Variants in NCKAP5 observed in about 807,000 individuals in gnomAD.
The protein encoded by NCKAP5 is nck-associated protein 5.
A neutral mutation model predicts 167.0 loss-of-function variants in NCKAP5; 92 were observed. That is an observed-to-expected ratio of 0.55 (90% CI 0.47 to 0.66). The LOEUF (loss-of-function observed/expected upper bound fraction) is 0.66, where lower values mean the gene tolerates loss of function less well. Among genes scored for constraint, NCKAP5 ranks in the 30% least tolerant of loss-of-function variants. The pLI is 0.00. For synonymous variants in NCKAP5, 891 were observed against 877.4 expected (o/e 1.02, Z -0.27); for missense variants, 2,378 against 2,315.0 (o/e 1.03, Z -0.56).
At chr2:133,306,087 C>T (rs546173650) in intron 3 of NCKAP5, among the ~76,000 whole-genome samples, 1 of 152,158 alleles carries the variant, frequency 6.6e-6, no homozygotes, top group Non-Finnish European at 1.5e-5. Context: ...TAGGATTACT[C>T]CTAGGGGGAA....
chr2:133,594,506 C>T, the NCKAP5 span, among the ~76,000 whole-genome samples: 5 of 151,970 alleles, frequency 3.3e-5, no homozygotes, highest in East Asian at 3.9e-4. Context: ...ACAGAGTGCC[C>T]GACACTAAGT....
At chr2:133,257,554 C>T (rs931784440) in intron 4 of NCKAP5, among the ~76,000 whole-genome samples, 1 of 152,186 alleles carries the variant, frequency 6.6e-6, no homozygotes, top group Non-Finnish European at 1.5e-5. Flanking sequence ...TACAGTATTG[C>T]TTTATTCCTC....
intron 15 of NCKAP5, 39 bp downstream of exon 15, chr2:132,781,013 A>C: frequency 1.0e-5 from 16 of 1,596,298 alleles, no homozygotes; most frequent in Non-Finnish European, 1.4e-5. Flanking sequence ...AGAACATCTC[A>C]GATTGTAGCA....
At chr2:132,774,514 T>A (rs1404008934) in intron 15 of NCKAP5, among the ~76,000 whole-genome samples, 1 of 152,114 alleles carries the variant, frequency 6.6e-6, no homozygotes, top group Non-Finnish European at 1.5e-5. Flanking sequence ...CCTCTTATAT[T>A]TCAGTTGGAA....
In NCKAP5 at chr2:132,783,914, C is replaced by A; in HGVS notation, c.2897G>T (p.Arg966Met). The change falls in exon 14 of 20, where the codon AGG becomes ATG. Residue 966 changes from arginine (R) to methionine (M), a missense_variant. Physicochemically the swap from Arg to Met is moderately conservative, Grantham distance 91. This residue lies in a region of NCKAP5 where 1,325 missense variants were observed against 1,274.5 expected (regional missense o/e 1.04). Transcript: ENST00000409261. ...CAGCAGCGGGGATTTGAATGGGGTC[C>A]TTGCTGTTTCACTGGGGACCCTGGT... is the stretch of plus-strand genomic sequence containing the variant. ...SETRVPSETA[R>M]TPFKSPLLKG... 1 of 1,561,358 alleles carries A rather than the reference C, an allele frequency of 6.4e-7. No homozygotes were observed. The highest frequency in any genetic ancestry group is 1.2e-5 in the South Asian group (1 of 81,098).
intron 11 of NCKAP5, among the ~76,000 whole-genome samples, chr2:132,803,705 A>G (rs749595994): frequency 2.6e-5 from 4 of 152,222 alleles, no homozygotes; most frequent in Admixed American, 2.0e-4. Context: ...TGAAAACAGC[A>G]GACCTTGCCC....
At chr2:133,155,595 G>T (rs1020277498) in intron 5 of NCKAP5, among the ~76,000 whole-genome samples, 11 of 152,088 alleles carry the variant, frequency 7.2e-5, no homozygotes, top group African/African-American at 2.7e-4. Context: ...CAGATATTTG[G>T]CCAAACATTA....
chr2:133,241,143 T>C (rs1487447902), intron 4 of NCKAP5, among the ~76,000 whole-genome samples: 2 of 152,362 alleles, frequency 1.3e-5, no homozygotes, highest in Non-Finnish European at 2.9e-5. Flanking sequence ...TCATGTGCTT[T>C]GAATGAAACA....
At chr2:133,172,458 T>C (rs1393385958) in intron 5 of NCKAP5, among the ~76,000 whole-genome samples, 1 of 152,240 alleles carries the variant, frequency 6.6e-6, no homozygotes, top group African/African-American at 2.4e-5. Context: ...TCTTTTCTTT[T>C]TGAGACTGAG....
chr2:133,440,897 A>G (rs1690807111), intron 3 of NCKAP5, among the ~76,000 whole-genome samples: 1 of 152,070 alleles, frequency 6.6e-6, no homozygotes, highest in Admixed American at 6.6e-5. Flanking sequence ...GACACAGACA[A>G]AGATTTAGCT....
At chr2:132,964,363 T>C (rs2076600200) in intron 7 of NCKAP5, among the ~76,000 whole-genome samples, 2 of 152,190 alleles carry the variant, frequency 1.3e-5, no homozygotes, top group African/African-American at 4.8e-5. Flanking sequence ...CACCTATTAG[T>C]TCTTTCAGCT....
chr2:133,071,043 C>A (rs559461710), intron 6 of NCKAP5, among the ~76,000 whole-genome samples: 5 of 152,188 alleles, frequency 3.3e-5, no homozygotes, highest in African/African-American at 1.2e-4. Flanking sequence ...TACTTTGGAG[C>A]AAACTAATGG....
chr2:132,997,435 C>T (rs1032081938), intron 6 of NCKAP5, among the ~76,000 whole-genome samples: 2 of 152,148 alleles, frequency 1.3e-5, no homozygotes, highest in African/African-American at 4.8e-5. Context: ...TTAATAATAA[C>T]TCAATCTAAT....
At chr2:132,675,825 A>T (rs1335407035) in intron 19 of NCKAP5, among the ~76,000 whole-genome samples, 1 of 150,202 alleles carries the variant, frequency 6.7e-6, no homozygotes, top group Non-Finnish European at 1.5e-5. Context: ...TAGAAATGAA[A>T]GAAGGGACCA....
At chr2:133,414,612 T>C (rs372552017) in intron 3 of NCKAP5, among the ~76,000 whole-genome samples, 2 of 152,202 alleles carry the variant, frequency 1.3e-5, no homozygotes, top group African/African-American at 4.8e-5. Flanking sequence ...TGATACTTTT[T>C]ACAACCTTTA....
At chr2:132,935,563 C>T (rs768138671) in intron 8 of NCKAP5, among the ~76,000 whole-genome samples, 15 of 151,842 alleles carry the variant, frequency 9.9e-5, no homozygotes, top group Admixed American at 2.0e-4. Context: ...GGAAAACACA[C>T]GGTATGTTCA....
intron 5 of NCKAP5, among the ~76,000 whole-genome samples, chr2:133,201,805 C>G (rs906241191): frequency 6.6e-6 from 1 of 152,082 alleles, no homozygotes; most frequent in Non-Finnish European, 1.5e-5. Context: ...AAGGCCATTC[C>G]AGCCACAAGA....
In NCKAP5 at chr2:133,472,640, C is replaced by A. The variant is rs148699776; in HGVS notation, c.69+44818G>T. 1.5e-4 allele frequency among the ~76,000 whole-genome samples: 23 copies of A among 152,128 alleles called. No homozygotes were observed. In the East Asian group the frequency reaches 4.1e-3, roughly 27 times the overall value. On this transcript the variant is annotated intron_variant, in intron 3 of 19. Coordinates refer to ENST00000409261, the MANE Select transcript of NCKAP5 (RefSeq NM_207363.3). ...CCAAACATTCTGCAGGGTCCGAGAC[C>A]CATATGTACTAACCCTGCAAAAATG...
chr2:133,121,019 G>A (rs932873129), intron 6 of NCKAP5, among the ~76,000 whole-genome samples: 11 of 151,846 alleles, frequency 7.2e-5, no homozygotes, highest in African/African-American at 2.7e-4. Context: ...AGAGGAACAG[G>A]GGAACAAACA....
Sources: allele counts gnomAD v4.1 joint callset (sites outside exome capture counted in the v4.1 genomes callset), GRCh38; gene constraint gnomAD v4.1.1; regional missense constraint gnomAD v4.1.1; transcripts MANE v1.5; gene names NCBI Gene and HGNC (gene_info 2026-07-23, HGNC 2026-07-21).